KCNQ5: variants seen among roughly 807,000 people sequenced by gnomAD.
KCNQ5 encodes potassium voltage-gated channel subfamily KQT member 5.
KCNQ5 carries 30 observed loss-of-function variants against 98.2 expected under a neutral mutation model. That is an observed-to-expected ratio of 0.31 (90% CI 0.23 to 0.41). The LOEUF (loss-of-function observed/expected upper bound fraction) is 0.41, where lower values mean the gene tolerates loss of function less well. KCNQ5 is among the 10% of genes least tolerant of loss of function. KCNQ5 has a pLI of 1.00. For synonymous variants in KCNQ5, 458 were observed against 449.4 expected, an observed-to-expected ratio of 1.02 and a Z score of -0.24; for missense variants, 835 against 1,182.5, an observed-to-expected ratio of 0.71 and a Z score of 4.31.
In KCNQ5 at chr6:73,175,946, T is replaced by C. The variant is rs556732584; in HGVS notation, c.1577+6092T>C. On this transcript the variant is annotated intron_variant, in intron 11 of 13. Transcript: ENST00000370398. ...ACTAGCCAGGTTACTAAGGAGGATATAGAGGCTGGGCAGAGAGAACTGCAA... is the reference window on the plus strand; with the variant it reads ...ACTAGCCAGGTTACTAAGGAGGATACAGAGGCTGGGCAGAGAGAACTGCAA... Among the ~76,000 whole-genome samples the C allele has an allele frequency of 3.1e-4, 47 of 152,114 alleles. No homozygotes were observed. In the Middle Eastern group the frequency reaches 0.014, roughly 44 times the overall value.
chr6:72,899,435 T>C (rs558705431), intron 1 of KCNQ5, among the ~76,000 whole-genome samples: 3 of 152,304 alleles, frequency 2.0e-5, no homozygotes, highest in South Asian at 4.1e-4. Context: ...AGTGCGATTA[T>C]GGGGTCAAAC....
chr6:72,825,349 CTTG>C (rs1481297453), intron 1 of KCNQ5, among the ~76,000 whole-genome samples: 2 of 152,148 alleles, frequency 1.3e-5, no homozygotes, highest in African/African-American at 4.8e-5. Flanking sequence ...ACTTACTGTA[CTTG>C]TTGTCTGGCT....
chr6:72,685,423 CA>C (rs1767902643), intron 1 of KCNQ5, among the ~76,000 whole-genome samples: 1 of 152,190 alleles, frequency 6.6e-6, no homozygotes, highest in South Asian at 2.1e-4. Flanking sequence ...GCATATAATA[CA>C]AAATCAAAAG....
At chr6:72,983,184 G>T (rs1768559007) in intron 1 of KCNQ5, among the ~76,000 whole-genome samples, 1 of 152,134 alleles carries the variant, frequency 6.6e-6, no homozygotes, top group African/African-American at 2.4e-5. Flanking sequence ...TCTTTGTGGT[G>T]TTCTCTGTAT....
intron 1 of KCNQ5, among the ~76,000 whole-genome samples, chr6:72,726,727 T>C (rs2154475583): frequency 6.6e-6 from 1 of 152,316 alleles, no homozygotes; most frequent in East Asian, 1.9e-4. Context: ...TAATATTCTC[T>C]TTAATTCTGT....
chr6:72,760,350 G>C (rs911139210), intron 1 of KCNQ5, among the ~76,000 whole-genome samples: 1 of 148,648 alleles, frequency 6.7e-6, no homozygotes, highest in Admixed American at 6.7e-5. Context: ...AGGCTTGTCA[G>C]CACCTGAACA....
intron 1 of KCNQ5, among the ~76,000 whole-genome samples, chr6:72,626,259 C>T (rs886164603): frequency 2.0e-5 from 3 of 152,172 alleles, no homozygotes; most frequent in Admixed American, 6.5e-5. Flanking sequence ...TCAGCACAGG[C>T]TTCAAAGGGG....
intron 1 of KCNQ5, among the ~76,000 whole-genome samples, chr6:72,941,400 C>T (rs528188125): frequency 7.5e-6 from 1 of 133,178 alleles, no homozygotes; most frequent in East Asian, 2.3e-4. Context: ...TCCTCCTTTC[C>T]TCCTTCCCTC....
chr6:72,834,912 C>T (rs931045443), intron 1 of KCNQ5, among the ~76,000 whole-genome samples: 4 of 152,112 alleles, frequency 2.6e-5, no homozygotes, highest in Non-Finnish European at 5.9e-5. Flanking sequence ...TGCCCTTCCT[C>T]CACAAAACTG....
intron 10 of KCNQ5, among the ~76,000 whole-genome samples, chr6:73,140,002 C>G (rs1368186496): frequency 2.0e-5 from 3 of 152,138 alleles, no homozygotes; most frequent in Non-Finnish European, 4.4e-5. Flanking sequence ...CCTCTCTTCT[C>G]TTAACTTCTA....
At chr6:72,659,489 G>C (rs1928151) in intron 1 of KCNQ5, among the ~76,000 whole-genome samples, 1 of 152,170 alleles carries the variant, frequency 6.6e-6, no homozygotes, top group Admixed American at 6.5e-5. Context: ...TTATTTCTCA[G>C]ATTTCTGGAA....
chr6:72,662,095 C>T (rs1413361379), intron 1 of KCNQ5, among the ~76,000 whole-genome samples: 1 of 152,080 alleles, frequency 6.6e-6, no homozygotes, highest in Non-Finnish European at 1.5e-5. Context: ...TTTCTTTCCT[C>T]ATCTGATGCA....
At chr6:73,176,571 G>C (rs1300093245) in intron 11 of KCNQ5, among the ~76,000 whole-genome samples, 1 of 152,204 alleles carries the variant, frequency 6.6e-6, no homozygotes. Context: ...GCAATGTAAG[G>C]AATGTATTGG....
chr6:72,678,293 C>T (rs940326460), intron 1 of KCNQ5: 2 of 152,126 alleles, frequency 1.3e-5, no homozygotes, highest in Admixed American at 1.3e-4. Flanking sequence ...TCATATTAAA[C>T]ACTTTAAGTG....
intron 3 of KCNQ5, among the ~76,000 whole-genome samples, chr6:73,044,117 C>T: frequency 6.6e-6 from 1 of 152,014 alleles, no homozygotes; most frequent in East Asian, 1.9e-4. Context: ...CCTGTCTCTA[C>T]AAAAATTTAA....
At chr6:72,732,409 G>A (rs1376017038) in intron 1 of KCNQ5, among the ~76,000 whole-genome samples, 5 of 152,164 alleles carry the variant, frequency 3.3e-5, no homozygotes, top group African/African-American at 1.2e-4. Flanking sequence ...GAGGTGGTGG[G>A]AGGATAGAAT....
intron 5 of KCNQ5, among the ~76,000 whole-genome samples, chr6:73,091,561 A>G (rs1774249043): frequency 6.6e-6 from 1 of 152,150 alleles, no homozygotes; most frequent in Admixed American, 6.6e-5. Context: ...GCTTTGTCCA[A>G]GATCAGTTGA....
chr6:73,017,851 T>C (rs927502052), intron 2 of KCNQ5, among the ~76,000 whole-genome samples: 1 of 150,826 alleles, frequency 6.6e-6, no homozygotes, highest in Non-Finnish European at 1.5e-5. Flanking sequence ...TGCAGAAGAG[T>C]CTTAACAAAG....
chr6:72,920,162 C>G (rs549031123), intron 1 of KCNQ5, among the ~76,000 whole-genome samples: 2 of 152,128 alleles, frequency 1.3e-5, no homozygotes, highest in East Asian at 3.9e-4. Flanking sequence ...ACTAGCCAAG[C>G]AGGTGCCTCT....
Sources: allele counts gnomAD v4.1 joint callset (sites outside exome capture counted in the v4.1 genomes callset), GRCh38; gene constraint gnomAD v4.1.1; transcripts MANE v1.5; gene names NCBI Gene and HGNC (gene_info 2026-07-23, HGNC 2026-07-21).